KHK: variants seen among roughly 807,000 people sequenced by gnomAD.
KHK encodes ketohexokinase.
A neutral mutation model predicts 36.0 loss-of-function variants in KHK; 37 were observed. The ratio of observed to expected loss-of-function variants is 1.03; its 90% CI spans 0.79 to 1.35. The LOEUF is 1.35. Among genes scored for constraint, KHK ranks in the 40% most tolerant of loss-of-function variants. KHK has a pLI of 0.00. For missense variants in KHK, 395 were observed against 391.9 expected, an observed-to-expected ratio of 1.01 and a Z score of -0.07; for synonymous variants, 161 against 162.8, an observed-to-expected ratio of 0.99 and a Z score of 0.08.
Position 27,099,956 on chromosome 2 carries a change from C to A in KHK, c.*206C>A. The A allele has an allele frequency of 8.7e-7, 1 of 1,146,706 alleles. No homozygotes were observed. The highest frequency in any genetic ancestry group is 1.3e-5 in the South Asian group (1 of 74,990). 71.0% of individuals were successfully genotyped at this position (1,146,706 alleles called of 1,614,324 possible). ...ATGCAGAGCCTCAGAGCAAATAAATCTTCCTCAGAGCCAGCTTCTCCTCTC... is the reference window on the plus strand; with the variant it reads ...ATGCAGAGCCTCAGAGCAAATAAATATTCCTCAGAGCCAGCTTCTCCTCTC... On this transcript the variant is annotated 3_prime_UTR_variant, in exon 8 of 8. Transcript: ENST00000260598.
At chr2:27,095,218 A>G (rs1448906529) in intron 3 of KHK, among the ~76,000 whole-genome samples, 2 of 152,218 alleles carry the variant, frequency 1.3e-5, no homozygotes, top group Non-Finnish European at 2.9e-5. Context: ...TGATTCCTCC[A>G]TAATTATTAA....
chr2:27,092,480 GGCCT>G, intron 2 of KHK, 32 bp downstream of exon 2: 1 of 1,471,138 alleles, frequency 6.8e-7, no homozygotes, highest in Non-Finnish European at 9.5e-7. Flanking sequence ...CACTGGGGAA[GGCCT>G]GCCTGCATCA....
chr2:27,088,384 G>A (rs1669792032), intron 1 of KHK, among the ~76,000 whole-genome samples: 1 of 152,070 alleles, frequency 6.6e-6, no homozygotes, highest in African/African-American at 2.4e-5. Flanking sequence ...TGGGATTACA[G>A]GCATGAGCCA....
At position 27,099,835 on chromosome 2, in the gene KHK, G is replaced by A. The variant is rs372043486; in HGVS notation, c.*85G>A. The A allele has an allele frequency of 1.3e-6, 2 of 1,560,438 alleles. No homozygotes were observed. Among genetic ancestry groups the A allele is most frequent in the South Asian group, 1.2e-5 (1 of 85,208 alleles). On this transcript the variant is annotated 3_prime_UTR_variant, in exon 8 of 8. Transcript: ENST00000260598. ...CCCCTCCATCCAGCCTGGCGTCCAGGTTGCCCTGTTCAGGGGACAGATGCA... is the reference window on the plus strand; with the variant it reads ...CCCCTCCATCCAGCCTGGCGTCCAGATTGCCCTGTTCAGGGGACAGATGCA...
Position 27,096,978 on chromosome 2 carries a change from T to C in KHK, c.417+177T>C, listed in dbSNP as rs77979978. On this transcript the variant is annotated intron_variant, in intron 4 of 7. Transcript: ENST00000260598. ...GTGAGAAAACTAAGGCCCAGAAAGATTAGATGACTTACTCAAGGTCACACA... is the reference window on the plus strand; with the variant it reads ...GTGAGAAAACTAAGGCCCAGAAAGACTAGATGACTTACTCAAGGTCACACA... 9.5e-3 allele frequency among the ~76,000 whole-genome samples: 1,446 copies of C among 152,358 alleles called. 22 individuals are homozygous for C. The highest frequency in any genetic ancestry group is 0.033 in the African/African-American group (1,378 of 41,594).
At chr2:27,096,605 A>C in intron 3 of KHK, 124 bp from the exon 4 acceptor site, 1 of 800,378 alleles carries the variant, frequency 1.2e-6, no homozygotes, top group Non-Finnish European at 2.2e-6. Flanking sequence ...TGTGCTGTGG[A>C]TCCAGCTTCC....
intron 1 of KHK, among the ~76,000 whole-genome samples, chr2:27,088,928 G>A (rs149917744): frequency 6.5e-4 from 99 of 152,266 alleles, no homozygotes; most frequent in African/African-American, 2.2e-3. Context: ...ACAAAGACAC[G>A]ACAGTGCTGA....
At position 27,099,836 on chromosome 2, in the gene KHK, T is replaced by A. The variant is rs1397881088; in HGVS notation, c.*86T>A. 1 of 1,560,174 alleles carries A rather than the reference T, an allele frequency of 6.4e-7. No individual in the cohort carries two copies. The highest frequency in any genetic ancestry group is 1.9e-5 in the Admixed American group (1 of 51,908). On this transcript the variant is annotated 3_prime_UTR_variant, in exon 8 of 8. Coordinates refer to ENST00000260598, the MANE Select transcript of KHK (RefSeq NM_006488.3). ...CCCTCCATCCAGCCTGGCGTCCAGG[T>A]TGCCCTGTTCAGGGGACAGATGCAA...
rs368515189 is a variant in KHK at position 27,094,918 on chromosome 2, A to G, written c.328A>G (p.Ile110Val). Residue 110 changes from isoleucine to valine, a missense_variant, in exon 3 of 8, where the codon ATT (isoleucine) becomes GTT (valine). Transcript: ENST00000260598. ...CAACAACTCCAATGGCAACCGTACC[A>G]TTGTGCTCCATGACACGTAAGGCCC... ...IINNSNGNRT[I>V]VLHDTSLPDV... is the part of the protein sequence containing the mutation. The G allele has an allele frequency of 4.2e-5, 67 of 1,613,810 alleles. No individual in the cohort carries two copies. The highest frequency in any genetic ancestry group is 5.1e-5 in the Non-Finnish European group (60 of 1,180,040).
intron 5 of KHK, 149 bp downstream of exon 5, chr2:27,097,798 G>T: frequency 2.7e-6 from 3 of 1,131,942 alleles, no homozygotes; most frequent in Non-Finnish European, 3.9e-6. Context: ...TTAAAGCAAA[G>T]AAGTAGACCC....
rs765880895 is a variant in KHK, at chr2:27,094,857, G to A, written c.267G>A (p.Gln89=). The change falls in exon 3 of 8, where the codon CAG becomes CAA. Residue 89 remains glutamine (Q), a synonymous_variant. Coordinates refer to ENST00000260598, the MANE Select transcript of KHK (RefSeq NM_006488.3). ...TGGACGTGTCTCAGGTGGCCTGGCAGAGCAAGGGGGACACCCCCAGCTCCT... is the reference window on the plus strand; with the variant it reads ...TGGACGTGTCTCAGGTGGCCTGGCAAAGCAAGGGGGACACCCCCAGCTCCT... ...RGVDVSQVAW[Q]SKGDTPSSCC... is the part of the protein sequence containing the mutation. The A allele has an allele frequency of 3.1e-6, 5 of 1,614,032 alleles. No homozygotes were observed. The highest frequency in any genetic ancestry group is 3.3e-4 in the Middle Eastern group (2 of 6,062).
rs760879948 is a variant in KHK at position 27,099,859 on chromosome 2, C to A, written c.*109C>A. On this transcript the variant is annotated 3_prime_UTR_variant, in exon 8 of 8. Coordinates refer to ENST00000260598, the MANE Select transcript of KHK (RefSeq NM_006488.3). ...GGTTGCCCTGTTCAGGGGACAGATGCAAGCTGTGGGGAGGACTCTGCCTGT... is the reference window on the plus strand; with the variant it reads ...GGTTGCCCTGTTCAGGGGACAGATGAAAGCTGTGGGGAGGACTCTGCCTGT... The A allele has an allele frequency of 6.4e-7, 1 of 1,551,990 alleles. No individual in the cohort carries two copies. The highest frequency in any genetic ancestry group is 1.2e-5 in the South Asian group (1 of 84,308).
chr2:27,087,368 CCCCTAGGGGA>C lies in KHK; in HGVS notation c.92+21_92+30del. The C allele has an allele frequency of 1.3e-6, 2 of 1,556,406 alleles. No homozygotes were observed. Among genetic ancestry groups the C allele is most frequent in the Non-Finnish European group, 1.7e-6 (2 of 1,145,972 alleles). ...GGAGATAAGGTAGGGGCGCCCAGGT[CCCCTAGGGGA>C]CCCCAGGGGCTGCTGCAGTCCAGCA... On this transcript the variant is annotated intron_variant, in intron 1 of 7. Transcript: ENST00000260598.
At chr2:27,097,725 C>G in intron 5 of KHK, 76 bp downstream of exon 5, 1 of 1,583,826 alleles carries the variant, frequency 6.3e-7, no homozygotes, top group Non-Finnish European at 8.7e-7. Context: ...TCCTTTTATC[C>G]TGCCTACCAC....
In KHK at chr2:27,100,148, G is replaced by A; in HGVS notation, c.*398G>A. 1 of 517,396 alleles carries A rather than the reference G, an allele frequency of 1.9e-6. No homozygotes were observed. The highest frequency in any genetic ancestry group is 3.5e-6 in the Non-Finnish European group (1 of 285,576). The allele number at this position is 517,396 out of a possible 1,614,324, so 32.1% of individuals were successfully genotyped here. On this transcript the variant is annotated 3_prime_UTR_variant, in exon 8 of 8. Coordinates refer to ENST00000260598, the MANE Select transcript of KHK (RefSeq NM_006488.3). ...GCTTGCCACCAGCTCTGCCCTGGCTGGGGAGGACACTCGGTGCCCCACACC... is the reference window on the plus strand; with the variant it reads ...GCTTGCCACCAGCTCTGCCCTGGCTAGGGAGGACACTCGGTGCCCCACACC...
Sources: allele counts gnomAD v4.1 joint callset (sites outside exome capture counted in the v4.1 genomes callset), GRCh38; gene constraint gnomAD v4.1.1; transcripts MANE v1.5; gene names NCBI Gene and HGNC (gene_info 2026-07-23, HGNC 2026-07-21).